Variants in TSKU observed in about 807,000 individuals in gnomAD.
TSKU encodes the protein tsukushi.
A neutral mutation model predicts 11.2 loss-of-function variants in TSKU; 4 were observed. The ratio of observed to expected loss-of-function variants is 0.36; its 90% CI spans 0.18 to 0.82. The LOEUF (loss-of-function observed/expected upper bound fraction) is 0.82. Among genes scored for constraint, TSKU ranks in the 40% least tolerant of loss-of-function variants. TSKU has a pLI of 0.50. For synonymous variants in TSKU, 220 were observed against 232.2 expected (o/e 0.95, Z 0.48); for missense variants, 407 against 482.5 (o/e 0.84, Z 1.47).
At chr11:76,782,777 T>G (rs1012479107), upstream of TSKU, 1 of 152,176 alleles carries the variant, frequency 6.6e-6, no homozygotes, top group Admixed American at 6.5e-5. Context: ...CTCTTCTCTG[T>G]GGGTTCGTCT....
intron 1 of TSKU, among the ~76,000 whole-genome samples, chr11:76,783,780 C>A (rs993398685): frequency 2.0e-5 from 3 of 152,234 alleles, no homozygotes; most frequent in Non-Finnish European, 4.4e-5. Context: ...GTTTGCGGGC[C>A]TGCGCTTGGC....
At chr11:76,793,601 T>C (rs140860522) in intron 1 of TSKU, among the ~76,000 whole-genome samples, 50 of 152,282 alleles carry the variant, frequency 3.3e-4, no homozygotes, top group African/African-American at 1.1e-3. Flanking sequence ...GCAGATCAGC[T>C]TAGCAGGGGA....
At chr11:76,793,032 C>T (rs527499016) in intron 1 of TSKU, among the ~76,000 whole-genome samples, 23 of 152,368 alleles carry the variant, frequency 1.5e-4, no homozygotes, top group Admixed American at 1.2e-3. Context: ...GAGGACTGGC[C>T]CTGACTGTCA....
intron 1 of TSKU, among the ~76,000 whole-genome samples, chr11:76,789,402 C>T (rs1261048099): frequency 1.3e-5 from 2 of 152,186 alleles, no homozygotes; most frequent in Non-Finnish European, 2.9e-5. Flanking sequence ...AGTGATGTGG[C>T]CAAAGCTGTT....
At chr11:76,794,772 A>G (rs1023174610) in intron 1 of TSKU, among the ~76,000 whole-genome samples, 6 of 152,218 alleles carry the variant, frequency 3.9e-5, no homozygotes, top group South Asian at 2.1e-4. Flanking sequence ...AGGATGCCCA[A>G]TGAGAAGGGA....
chr11:76,787,415 A>G (rs1944323478), intron 1 of TSKU, among the ~76,000 whole-genome samples: 1 of 152,222 alleles, frequency 6.6e-6, no homozygotes, highest in African/African-American at 2.4e-5. Flanking sequence ...GGAGGAGGCC[A>G]GGTACTGGAT....
chr11:76,785,838 T>TA (rs1944306537), intron 1 of TSKU, among the ~76,000 whole-genome samples: 2 of 152,174 alleles, frequency 1.3e-5, no homozygotes, highest in African/African-American at 4.8e-5. Flanking sequence ...TCCAGCCTCT[T>TA]AGAGTCAAAG....
At chr11:76,790,326 T>G (rs1382721543) in intron 1 of TSKU, among the ~76,000 whole-genome samples, 3 of 152,088 alleles carry the variant, frequency 2.0e-5, no homozygotes, top group African/African-American at 7.2e-5. Flanking sequence ...TCCCTGTCAG[T>G]GCCCCAGAGT....
chr11:76,789,018 G>A (rs551187096), intron 1 of TSKU, among the ~76,000 whole-genome samples: 23 of 152,302 alleles, frequency 1.5e-4, no homozygotes, highest in Non-Finnish European at 3.1e-4. Flanking sequence ...AGGGGCAGGC[G>A]GGATGGATGC....
At chr11:76,783,873 G>A (rs1944272226) in intron 1 of TSKU, among the ~76,000 whole-genome samples, 1 of 152,120 alleles carries the variant, frequency 6.6e-6, no homozygotes, top group African/African-American at 2.4e-5. Flanking sequence ...GTCCGCAGAG[G>A]GTGTGCGCAC....
At position 76,795,970 on chromosome 11, in the gene TSKU, T is replaced by C. The variant is rs139171456; in HGVS notation, c.354T>C (p.Asn118=). The change falls in exon 2 of 2, where the codon AAT becomes AAC. Residue 118 remains asparagine, a synonymous_variant. Coordinates refer to ENST00000333090, the MANE Select transcript of TSKU (RefSeq NM_015516.4). ...TGGAGTCGCTTGACCTCAGCCACAA[T>C]GGCCTGACAGCCCTGCCAGCCGAGA... ...RYLESLDLSH[N]GLTALPAESF... 183 of 1,583,952 alleles carry C rather than the reference T, an allele frequency of 1.2e-4. No homozygotes were observed. In the African/African-American group the frequency reaches 2.3e-3, roughly 20 times the overall value.
intron 1 of TSKU, among the ~76,000 whole-genome samples, chr11:76,787,428 C>A (rs1449965632): frequency 6.6e-6 from 1 of 152,176 alleles, no homozygotes; most frequent in African/African-American, 2.4e-5. Context: ...TACTGGATGT[C>A]AGAATACCTG....
chr11:76,792,581 G>A (rs527584749), intron 1 of TSKU: 1 of 152,360 alleles, frequency 6.6e-6, no homozygotes, highest in Non-Finnish European at 1.5e-5. Flanking sequence ...CCCAGTGGGA[G>A]GTAATTGAAT....
chr11:76,786,145 T>TC (rs2134385765), intron 1 of TSKU, among the ~76,000 whole-genome samples: 1 of 152,324 alleles, frequency 6.6e-6, no homozygotes, highest in East Asian at 1.9e-4. Context: ...ATTGTTATGT[T>TC]CCCCACAAAG....
At position 76,790,995 on chromosome 11, in the gene TSKU, A is replaced by G. The variant is rs529967738; in HGVS notation, c.-8-4614A>G. Reference sequence around the variant, plus strand: ...CAAAATCCTGATGGCAATATGGACAATAAAGTACAGGCTGAGGTGGTCTCA... The same window carrying G: ...CAAAATCCTGATGGCAATATGGACAGTAAAGTACAGGCTGAGGTGGTCTCA... On this transcript the variant is annotated intron_variant, in intron 1 of 1. Coordinates refer to ENST00000333090, the MANE Select transcript of TSKU (RefSeq NM_015516.4). 3.3e-5 allele frequency among the ~76,000 whole-genome samples: 5 copies of G among 152,348 alleles called. No homozygotes were observed. In the South Asian group the frequency reaches 8.3e-4, roughly 25 times the overall value.
chr11:76,784,746 TGG>T (rs774195231), intron 1 of TSKU, among the ~76,000 whole-genome samples: 3,493 of 41,764 alleles, frequency 0.084, 128 homozygotes, highest in Non-Finnish European at 0.1. Context: ...TGACCGGAGG[TGG>T]GGGGGGGGGG....
rs1448095581 is a variant in TSKU at position 76,796,008 on chromosome 11, C to T, written c.392C>T (p.Ser131Leu). 6.2e-7 allele frequency: 1 copy of T among 1,613,936 alleles called. No homozygotes were observed. The highest frequency in any genetic ancestry group is 8.5e-7 in the Non-Finnish European group (1 of 1,180,060). Residue 131 changes from serine (S) to leucine (L), a missense_variant, in exon 2 of 2, where the codon TCA becomes TTA. Ser to Leu is a moderately radical substitution (Grantham distance 145). Coordinates refer to ENST00000333090, the MANE Select transcript of TSKU (RefSeq NM_015516.4). The surrounding 1 kb of genome is among the most constrained non-coding windows in gnomAD (Gnocchi z 4.1). ...TALPAESFTS[S>L]PLSDVNLSHN... ...CTGCCAGCCGAGAGCTTCACCAGCT[C>T]ACCCCTGAGCGACGTGAACCTTAGC...
chr11:76,796,883 T>G lies in TSKU; in HGVS notation c.*205T>G. ...AGTCTCACCCCTTTGTCTACGTTGC[T>G]TCCCCAAACCATGAGCAGAGGGACT... On this transcript the variant is annotated 3_prime_UTR_variant, in exon 2 of 2. Transcript: ENST00000333090. This position sits in a 1 kb window ranked among gnomAD's most constrained non-coding sequence, Gnocchi z 4.1. 2.4e-6 allele frequency: 1 copy of G among 422,432 alleles called. No individual in the cohort carries two copies. The allele number at this position is 422,432 out of a possible 1,614,324, so 26.2% of individuals were successfully genotyped here. A position where few individuals can be genotyped will look rare whatever the true frequency, so the allele number is the denominator to read the frequency against.
In TSKU at chr11:76,795,938, C is replaced by T. The variant is rs141065796; in HGVS notation, c.322C>T (p.Arg108Cys). The T allele has an allele frequency of 1.1e-5, 17 of 1,613,980 alleles. No individual in the cohort carries two copies. Among genetic ancestry groups the T allele is most frequent in the East Asian group, 2.2e-5 (1 of 44,890 alleles). The change falls in exon 2 of 2, where the codon CGC becomes TGC. Residue 108 changes from arginine to cysteine, a missense_variant. By Grantham distance (180) the Arg-to-Cys change is radical (BLOSUM62 -3). Transcript: ENST00000333090. ...SISPTAFSRLRYLESLDLSHN... is the reference protein window; with the variant it reads ...SISPTAFSRLCYLESLDLSHN... ...CTCACCCACTGCCTTCTCCCGCCTT[C>T]GCTACCTGGAGTCGCTTGACCTCAG...
Sources: allele counts gnomAD v4.1 joint callset (sites outside exome capture counted in the v4.1 genomes callset), GRCh38; gene constraint gnomAD v4.1.1; non-coding constraint Gnocchi (gnomAD v3.1); transcripts MANE v1.5; gene names NCBI Gene and HGNC (gene_info 2026-07-23, HGNC 2026-07-21).